Variants in CARMIL2 observed in about 807,000 individuals in gnomAD.
CARMIL2 encodes capping protein regulator and myosin 1 linker 2, also known as capping protein, Arp2/3 and myosin-I linker protein 2.
A neutral mutation model predicts 173.3 loss-of-function variants in CARMIL2; 96 were observed. The ratio of observed to expected loss-of-function variants is 0.55; its 90% confidence interval spans 0.47 to 0.66. The LOEUF (loss-of-function observed/expected upper bound fraction) is 0.66, where lower values mean the gene tolerates loss of function less well. Among genes scored for constraint, CARMIL2 ranks in the 30% least tolerant of loss-of-function variants. The pLI, the probability that CARMIL2 is intolerant of heterozygous loss-of-function variation, is 0.00. For missense variants in CARMIL2, 1,771 were observed against 1,906.7 expected (o/e 0.93, Z 1.33); for synonymous variants, 830 against 817.1 (o/e 1.02, Z -0.27).
chr16:67,645,893 G>A lies in CARMIL2; in HGVS notation c.186+116G>A, dbSNP rs919323215. ...GGCCCTGACTTTGCACCAGCACTGG[G>A]CTCTGGGCAGCCGACAGGAGGGGAG... On this transcript the variant is annotated intron_variant, in intron 3 of 37. Coordinates refer to ENST00000334583, the MANE Select transcript of CARMIL2 (RefSeq NM_001013838.3). 6 of 1,550,738 alleles carry A rather than the reference G, an allele frequency of 3.9e-6. No homozygotes were observed. In the African/African-American group the frequency reaches 6.8e-5, roughly 18 times the overall value.
In CARMIL2 at chr16:67,648,491, C is replaced by G. The variant is rs977833654; in HGVS notation, c.1428C>G (p.Pro476=). ...GCCTGGCGGGCTGCAAGCTGCCGCC[C>G]GACGCGCTCAGGTCAGTGTCGGACC... is the stretch of plus-strand genomic sequence containing the variant. ...HLGLAGCKLP[P]DALRALLDGL... The change falls in exon 15 of 38, where the codon CCC becomes CCG. Residue 476 remains proline, a synonymous_variant. Coordinates refer to ENST00000334583, the MANE Select transcript of CARMIL2 (RefSeq NM_001013838.3). The surrounding 1 kb of genome is among the most constrained non-coding windows in gnomAD (Gnocchi z 6.1). 46 of 1,436,186 alleles carry G rather than the reference C, an allele frequency of 3.2e-5. No individual in the cohort carries two copies. Among genetic ancestry groups the G allele is most frequent in the Non-Finnish European group, 3.8e-5 (42 of 1,101,760 alleles). The allele number at this position is 1,436,186 out of a possible 1,614,324, so 89.0% of individuals were successfully genotyped here.
In CARMIL2 at chr16:67,654,789, G is replaced by A; in HGVS notation, c.3594G>A (p.Leu1198=). The A allele has an allele frequency of 6.2e-7, 1 of 1,613,366 alleles. No individual in the cohort carries two copies. Among genetic ancestry groups the A allele is most frequent in the Non-Finnish European group, 8.5e-7 (1 of 1,179,888 alleles). Residue 1198 remains leucine, a synonymous_variant, in exon 32 of 38, where the codon CTG becomes CTA. Coordinates refer to ENST00000334583, the MANE Select transcript of CARMIL2 (RefSeq NM_001013838.3). ...ATCTCTGTCCCTAGCGGCGGCCCCT[G>A]GAGCGGGGAGAAACAGAACTGGCTC... The part of the protein sequence containing the change: ...LGARPDKRRP[L]ERGETELAPS...
At chr16:67,654,932 A>C (rs769560667) in intron 32 of CARMIL2, 32 bp downstream of exon 32, 1 of 1,611,448 alleles carries the variant, frequency 6.2e-7, no homozygotes, top group Non-Finnish European at 8.5e-7. Flanking sequence ...ATGAAGTGAG[A>C]GGGCAGATGG....
intron 22 of CARMIL2, 168 bp downstream of exon 22, chr16:67,650,318 A>C: frequency 1.6e-6 from 1 of 608,914 alleles, no homozygotes. Flanking sequence ...ACACCCCTTA[A>C]ATAGCTCTCC....
In CARMIL2 at chr16:67,648,973, C is replaced by T. The variant is rs1567629968; in HGVS notation, c.1590C>T (p.Asn530=). The T allele has an allele frequency of 6.2e-7, 1 of 1,608,396 alleles. No homozygotes were observed. The highest frequency in any genetic ancestry group is 8.5e-7 in the Non-Finnish European group (1 of 1,177,736). ...GAVSSLDLAD[N]GFGSDMVTLV... is the part of the protein sequence containing the mutation. Reference sequence around the variant, plus strand: ...TGAGCTCCCTGGATCTGGCGGATAACGGTGAGGCTGCAGGAGAGCCCATCC... The same window carrying T: ...TGAGCTCCCTGGATCTGGCGGATAATGGTGAGGCTGCAGGAGAGCCCATCC... Residue 530 remains asparagine, a splice_region_variant and synonymous_variant, in exon 17 of 38, where the codon AAC becomes AAT. Coordinates refer to ENST00000334583, the MANE Select transcript of CARMIL2 (RefSeq NM_001013838.3). This position sits in a 1 kb window ranked among gnomAD's most constrained non-coding sequence, Gnocchi z 6.1.
Position 67,656,601 on chromosome 16 carries a change from G to T in CARMIL2, c.3992G>T (p.Ser1331Ile). 1.2e-6 allele frequency: 2 copies of T among 1,608,214 alleles called. No individual in the cohort carries two copies. Among genetic ancestry groups the T allele is most frequent in the Non-Finnish European group, 1.7e-6 (2 of 1,177,348 alleles). ...TGCAGAACCAGCCCCTCCCCAGACA[G>T]CCTGGGCCTCCCAGAGGACCCTTGC... ...SPCRTSPSPD[S>I]LGLPEDPCLG... Residue 1331 changes from serine to isoleucine, a missense_variant, in exon 35 of 38, where the codon AGC (serine) becomes ATC (isoleucine). Coordinates refer to ENST00000334583, the MANE Select transcript of CARMIL2 (RefSeq NM_001013838.3).
chr16:67,653,094 CCG>C lies in CARMIL2; in HGVS notation c.2967_2968del (p.Gly990LeufsTer94). 8.4e-7 allele frequency: 1 copy of C among 1,186,494 alleles called. No individual in the cohort carries two copies. The highest frequency in any genetic ancestry group is 1.0e-6 in the Non-Finnish European group (1 of 952,744). The allele number at this position is 1,186,494 out of a possible 1,614,324, so 73.5% of individuals were successfully genotyped here. A position where few individuals can be genotyped will look rare whatever the true frequency, so the allele number is the denominator to read the frequency against. On this transcript the variant is annotated frameshift_variant, in exon 29 of 38. Coordinates refer to ENST00000334583, the MANE Select transcript of CARMIL2 (RefSeq NM_001013838.3). LOFTEE classifies it high-confidence loss of function. The surrounding 1 kb of genome is among the most constrained non-coding windows in gnomAD (Gnocchi z 7.4). The stretch of plus-strand genomic sequence containing the variant: ...GATGCAGAGCCGCAGGCGGGGCCGT[CCG>C]CGCGCGGCTCTCCGAGCCCTGCCGC...
In CARMIL2 at chr16:67,652,964, C is replaced by T; in HGVS notation, c.2885-55C>T. 2.0e-6 allele frequency: 2 copies of T among 998,928 alleles called. No homozygotes were observed. The highest frequency in any genetic ancestry group is 2.6e-6 in the Non-Finnish European group (2 of 762,594). 61.9% of individuals were successfully genotyped at this position (998,928 alleles called of 1,614,324 possible). ...GGGTCCCCCGCCGCCCTAGCGCCTC[C>T]GCCGCCACCTCCCCGGGCTCGGCGC... is the stretch of plus-strand genomic sequence containing the variant. On this transcript the variant is annotated intron_variant, in intron 28 of 37. Transcript: ENST00000334583. The surrounding 1 kb of genome is among the most constrained non-coding windows in gnomAD (Gnocchi z 4.7).
Position 67,647,522 on chromosome 16 carries a change from G to A in CARMIL2, c.791G>A (p.Arg264Gln), listed in dbSNP as rs1244919074. 3.1e-6 allele frequency: 5 copies of A among 1,606,876 alleles called. No individual in the cohort carries two copies. The highest frequency in any genetic ancestry group is 3.4e-5 in the Admixed American group (2 of 58,834). The change falls in exon 11 of 38, where the codon CGA becomes CAA. Residue 264 changes from arginine to glutamine, a missense_variant. By Grantham distance (43) the Arg-to-Gln change is conservative. Coordinates refer to ENST00000334583, the MANE Select transcript of CARMIL2 (RefSeq NM_001013838.3). ...TCSLRGDFVR[R>Q]LAQALAGHSS... Reference sequence around the variant, plus strand: ...CTGGTCCCCAGAGACTTTGTCCGACGACTGGCCCAGGCGCTGGCGGGACAC... The same window carrying A: ...CTGGTCCCCAGAGACTTTGTCCGACAACTGGCCCAGGCGCTGGCGGGACAC...
At position 67,645,661 on chromosome 16, in the gene CARMIL2, C is replaced by G. The variant is rs768450242; in HGVS notation, c.132+30C>G. 11 of 1,612,348 alleles carry G rather than the reference C, an allele frequency of 6.8e-6. No homozygotes were observed. The African/African-American group carries it at 1.3e-4, about 20-fold the overall frequency. On this transcript the variant is annotated intron_variant, in intron 2 of 37. Coordinates refer to ENST00000334583, the MANE Select transcript of CARMIL2 (RefSeq NM_001013838.3). ...GGGGCAGGGGACAGAGCCGGGGAGG[C>G]GGCTGTGGCCCCACAGAAAGAGCCT... is the stretch of plus-strand genomic sequence containing the variant.
chr16:67,650,560 A>G (rs2052705163), intron 22 of CARMIL2: 1 of 213,492 alleles, frequency 4.7e-6, no homozygotes. Context: ...TCCATTCCCA[A>G]ATACCTCTTC....
Position 67,651,964 on chromosome 16 carries a change from G to T in CARMIL2, c.2632G>T (p.Val878Leu), listed in dbSNP as rs1260991774. The T allele has an allele frequency of 1.2e-6, 2 of 1,613,650 alleles. No homozygotes were observed. The highest frequency in any genetic ancestry group is 2.2e-5 in the South Asian group (2 of 91,088). ...SITGTLAESI[V>L]AQALAGLSAA... ...CACGGGGACCTTGGCAGAGAGCATT[G>T]TGGCTCAGGCTTTGGCAGGCCTGAG... Residue 878 changes from valine (V) to leucine (L), a missense_variant, in exon 26 of 38, where the codon GTG (valine) becomes TTG (leucine). Around this residue, in one of 3 missense-constraint regions of CARMIL2, gnomAD observed 817 missense variants for 903.5 expected, o/e 0.90. Coordinates refer to ENST00000334583, the MANE Select transcript of CARMIL2 (RefSeq NM_001013838.3). The surrounding 1 kb of genome is among the most constrained non-coding windows in gnomAD (Gnocchi z 4.2).
At position 67,654,568 on chromosome 16, in the gene CARMIL2, G is replaced by T. The variant is rs371652381; in HGVS notation, c.3458G>T (p.Gly1153Val). 5 of 1,611,412 alleles carry T rather than the reference G, an allele frequency of 3.1e-6. No individual in the cohort carries two copies. In the African/African-American group the frequency reaches 6.7e-5, roughly 22 times the overall value. ...GGTGAGGAGCTTGGTGGGGCTGAGG[G>T]GGACACCAGCAGCCCTGACCCTGCC... ...SRGEELGGAE[G>V]DTSSPDPAGR... The change falls in exon 31 of 38, where the codon GGG becomes GTG. Residue 1153 changes from glycine (G) to valine (V), a missense_variant. By Grantham distance (109) the Gly-to-Val change is moderately radical. Around this residue, in one of 3 missense-constraint regions of CARMIL2, gnomAD observed 817 missense variants for 903.5 expected, o/e 0.90. Transcript: ENST00000334583.
Position 67,653,786 on chromosome 16 carries a change from G to A in CARMIL2, c.3121-363G>A, listed in dbSNP as rs1242909146. On this transcript the variant is annotated intron_variant, in intron 29 of 37. Transcript: ENST00000334583. This position sits in a 1 kb window ranked among gnomAD's most constrained non-coding sequence, Gnocchi z 7.4. ...GCAGCAGGCCGGGTGGAGTGGGGGT[G>A]GGGTGGGGGACACTGCAGGGAACTG... Among the ~76,000 whole-genome samples, 1 of 152,120 alleles carries A rather than the reference G, an allele frequency of 6.6e-6. No individual in the cohort carries two copies. The highest frequency in any genetic ancestry group is 1.5e-5 in the Non-Finnish European group (1 of 67,988).
rs924384113 is a variant in CARMIL2 at position 67,653,676 on chromosome 16, G to T, written c.3120+422G>T. Among the ~76,000 whole-genome samples, 1 of 152,158 alleles carries T rather than the reference G, an allele frequency of 6.6e-6. No homozygotes were observed. The highest frequency in any genetic ancestry group is 1.5e-5 in the Non-Finnish European group (1 of 68,012). On this transcript the variant is annotated intron_variant, in intron 29 of 37. Transcript: ENST00000334583. The surrounding 1 kb of genome is among the most constrained non-coding windows in gnomAD (Gnocchi z 7.4). ...CGTGTGTGGGCTGCAAGCCCGCGGG[G>T]GCAGCGGGCACTGGCGGAGGGCGGG...
chr16:67,651,860 G>A lies in CARMIL2; in HGVS notation c.2588+15G>A. 2 of 1,612,710 alleles carry A rather than the reference G, an allele frequency of 1.2e-6. No homozygotes were observed. Among genetic ancestry groups the A allele is most frequent in the Non-Finnish European group, 8.5e-7 (1 of 1,179,582 alleles). On this transcript the variant is annotated intron_variant, in intron 25 of 37. Coordinates refer to ENST00000334583, the MANE Select transcript of CARMIL2 (RefSeq NM_001013838.3). The surrounding 1 kb of genome is among the most constrained non-coding windows in gnomAD (Gnocchi z 4.2). ...ACTAGGCTCAGGTAGGCTGGATGGG[G>A]CTGGGCTGGGCAAGGCTGAGCAAAG...
Position 67,652,666 on chromosome 16 carries a change from G to GACCTGGCCCA in CARMIL2, c.2884+128_2884+129insACCTGGCCCA. 1 of 921,882 alleles carries GACCTGGCCCA rather than the reference G, an allele frequency of 1.1e-6. No homozygotes were observed. Among genetic ancestry groups the GACCTGGCCCA allele is most frequent in the Non-Finnish European group, 1.7e-6 (1 of 605,338 alleles). 57.1% of individuals were successfully genotyped at this position (921,882 alleles called of 1,614,324 possible). ...TACCCACCAGCCCTTGACTGGGCCA[G>GACCTGGCCCA]GTCGGGCCCCTTGTGCAACCTGCAA... On this transcript the variant is annotated intron_variant, in intron 28 of 37. Transcript: ENST00000334583. The surrounding 1 kb of genome is among the most constrained non-coding windows in gnomAD (Gnocchi z 4.7).
At chr16:67,655,993 CG>C in intron 32 of CARMIL2, 37 bp from the exon 33 acceptor site, 1 of 1,562,940 alleles carries the variant, frequency 6.4e-7, no homozygotes, top group South Asian at 1.2e-5. Context: ...GTGTGGGGAG[CG>C]GGCAGGGCTG....
rs368768194 is a variant in CARMIL2 at position 67,646,860 on chromosome 16, G to A, written c.538-40G>A. On this transcript the variant is annotated intron_variant, in intron 7 of 37. Transcript: ENST00000334583. This position sits in a 1 kb window ranked among gnomAD's most constrained non-coding sequence, Gnocchi z 4.6. ...TGTGCTGAGCCCCTCCCTGCCCCTT[G>A]TGGCCCCAGGCGAACTGTAAGCATC... 2 of 1,613,414 alleles carry A rather than the reference G, an allele frequency of 1.2e-6. No individual in the cohort carries two copies. Among genetic ancestry groups the A allele is most frequent in the Non-Finnish European group, 1.7e-6 (2 of 1,179,492 alleles).
Sources: gnomAD v4.1 joint callset for allele counts (sites outside exome capture counted in the v4.1 genomes callset) on GRCh38, gnomAD v4.1.1 for gene constraint, gnomAD v4.1.1 regional missense constraint, Gnocchi (gnomAD v3.1) non-coding constraint, MANE v1.5 for transcripts, NCBI Gene and HGNC (gene_info 2026-07-23, HGNC 2026-07-21) for gene names.